Variants in OPA1 observed in about 807,000 individuals in gnomAD.
OPA1 encodes OPA1 mitochondrial dynamin like GTPase, also known as dynamin-like GTPase OPA1, mitochondrial.
A neutral mutation model predicts 152.9 loss-of-function variants in OPA1; 59 were observed. That is an observed-to-expected ratio of 0.39 (90% CI 0.31 to 0.48). The LOEUF is 0.48. Among genes scored for constraint, OPA1 ranks in the 20% least tolerant of loss-of-function variants. The probability of loss-of-function intolerance (pLI) is 0.96; values close to 1 mark genes in which losing one functional copy is unlikely to be tolerated. For synonymous variants in OPA1, 400 were observed against 389.9 expected (o/e 1.03, Z -0.31); for missense variants, 1,008 against 1,216.8 (o/e 0.83, Z 2.55).
At chr3:193,685,171 G>A (rs900917965) in intron 29 of OPA1, among the ~76,000 whole-genome samples, 2 of 151,960 alleles carry the variant, frequency 1.3e-5, no homozygotes, top group South Asian at 2.1e-4. Context: ...GCATGGTGAT[G>A]CCTGCCTGTA....
chr3:193,662,985 A>T lies in OPA1; in HGVS notation c.2661+23A>T, dbSNP rs1715645026. On this transcript the variant is annotated intron_variant, in intron 26 of 30. Coordinates refer to ENST00000361510, the MANE Select transcript of OPA1 (RefSeq NM_130837.3). ...TTGGTAATAAATACTGCTGAGAAGC[A>T]GGAATCTGCTTCCTTAATATTTGTT... is the stretch of plus-strand genomic sequence containing the variant. The T allele has an allele frequency of 3.1e-6, 5 of 1,611,556 alleles. No individual in the cohort carries two copies. In the East Asian group the frequency reaches 1.1e-4, roughly 36 times the overall value.
At chr3:193,675,354 C>T (rs1277990076) in intron 29 of OPA1, among the ~76,000 whole-genome samples, 1 of 148,726 alleles carries the variant, frequency 6.7e-6, no homozygotes, top group Non-Finnish European at 1.5e-5. Context: ...AAAAAAACAC[C>T]CAATCAAGAA....
At chr3:193,614,438 A>G (rs761450244) in intron 1 of OPA1, among the ~76,000 whole-genome samples, 1 of 152,160 alleles carries the variant, frequency 6.6e-6, no homozygotes, top group Non-Finnish European at 1.5e-5. Context: ...TGTCAGTGTG[A>G]CTTTGGGCAA....
At chr3:193,622,234 T>C (rs890672531) in intron 6 of OPA1, among the ~76,000 whole-genome samples, 1 of 141,874 alleles carries the variant, frequency 7.0e-6, no homozygotes, top group Non-Finnish European at 1.5e-5. Context: ...TTCTTTTTTT[T>C]TTTTTTTTTT....
chr3:193,630,562 G>A (rs1430044559), intron 7 of OPA1, among the ~76,000 whole-genome samples: 1 of 152,136 alleles, frequency 6.6e-6, no homozygotes, highest in Admixed American at 6.5e-5. Context: ...TATATTTGCT[G>A]CCATGATGTG....
chr3:193,598,565 G>T (rs1283775548), intron 1 of OPA1, among the ~76,000 whole-genome samples: 2 of 152,200 alleles, frequency 1.3e-5, no homozygotes, highest in Non-Finnish European at 2.9e-5. Flanking sequence ...TTTGTATTTT[G>T]TTGGACAAGT....
intron 29 of OPA1, among the ~76,000 whole-genome samples, chr3:193,678,831 A>C (rs568701828): frequency 7.2e-5 from 11 of 152,242 alleles, no homozygotes; most frequent in African/African-American, 2.6e-4. Flanking sequence ...AAAGATGCTC[A>C]AGTCATTCTC....
At chr3:193,617,416 A>T (rs1489152842) in intron 4 of OPA1, 131 bp downstream of exon 4, 1 of 664,604 alleles carries the variant, frequency 1.5e-6, no homozygotes, top group African/African-American at 1.8e-5. Context: ...GACATTTTTT[A>T]AAAAGATAAA....
chr3:193,643,840 C>A (rs1577243660), intron 15 of OPA1, 135 bp from the exon 16 acceptor site: 2 of 1,049,820 alleles, frequency 1.9e-6, no homozygotes, highest in East Asian at 2.6e-5. Context: ...GCTAGGATTT[C>A]TTTTTAGTAA....
Position 193,695,119 on chromosome 3 carries a change from A to G in OPA1, c.*519A>G, listed in dbSNP as rs1392372021. 1 of 152,212 alleles carries G rather than the reference A, an allele frequency of 6.6e-6. No homozygotes were observed. The highest frequency in any genetic ancestry group is 3.2e-3 in the Middle Eastern group (1 of 316). 9.4% of individuals were successfully genotyped at this position (152,212 alleles called of 1,614,324 possible). ...CTATTTGACCATGATAATTCAGTTT[A>G]TATTCACCACATGAAAGAAAAATGG... On this transcript the variant is annotated 3_prime_UTR_variant, in exon 31 of 31. Transcript: ENST00000361510.
rs1206820122 is a variant in OPA1, at chr3:193,656,585, C to T, written c.2179-495C>T. Among the ~76,000 whole-genome samples, 3 of 152,124 alleles carry T rather than the reference C, an allele frequency of 2.0e-5. No individual in the cohort carries two copies. The South Asian group carries it at 6.2e-4, about 32-fold the overall frequency. The stretch of plus-strand genomic sequence containing the variant: ...TATGAAGATGACTGAATCATTAAGA[C>T]ATTTAAAACCTTTTGCAGTGTGAAA... On this transcript the variant is annotated intron_variant, in intron 22 of 30. Coordinates refer to ENST00000361510, the MANE Select transcript of OPA1 (RefSeq NM_130837.3).
chr3:193,635,363 A>G, intron 8 of OPA1, 55 bp from the exon 9 acceptor site: 1 of 1,029,838 alleles, frequency 9.7e-7, no homozygotes, highest in South Asian at 1.3e-5. Flanking sequence ...TAGACTTAAT[A>G]CTATTTGATA....
At chr3:193,676,974 C>A (rs565596648) in intron 29 of OPA1, among the ~76,000 whole-genome samples, 1 of 93,428 alleles carries the variant, frequency 1.1e-5, no homozygotes, top group Non-Finnish European at 2.1e-5. Flanking sequence ...GAGCAAGACT[C>A]GTCTCAAAAA....
At chr3:193,668,278 C>G (rs1182814034) in intron 29 of OPA1, 4 of 1,491,904 alleles carry the variant, frequency 2.7e-6, no homozygotes, top group Non-Finnish European at 3.6e-6. Flanking sequence ...CTATACGTAA[C>G]CCAACTTGAA....
chr3:193,663,073 C>A lies in OPA1; in HGVS notation c.2661+111C>A, dbSNP rs1036339588. The A allele has an allele frequency of 3.7e-6, 4 of 1,074,848 alleles. No homozygotes were observed. The East Asian group carries it at 1.0e-4, about 27-fold the overall frequency. 66.6% of individuals were successfully genotyped at this position (1,074,848 alleles called of 1,614,324 possible). A position where few individuals can be genotyped will look rare whatever the true frequency, so the allele number is the denominator to read the frequency against. On this transcript the variant is annotated intron_variant, in intron 26 of 30. Transcript: ENST00000361510. ...TTTAAGTGCTTAATTTGACTTTTGT[C>A]ACGTGTACATTTGCTGACAGTAAAA...
intron 6 of OPA1, chr3:193,619,615 G>A (rs1729674681): frequency 6.6e-6 from 1 of 152,012 alleles, no homozygotes; most frequent in African/African-American, 2.4e-5. Flanking sequence ...CGTTTTCTGA[G>A]TCTTCACTTT....
At chr3:193,607,029 A>G (rs1257269491) in intron 1 of OPA1, among the ~76,000 whole-genome samples, 8 of 152,098 alleles carry the variant, frequency 5.3e-5, no homozygotes, top group Non-Finnish European at 1.0e-4. Flanking sequence ...GATGATGAGC[A>G]TTTTTTCATG....
chr3:193,608,652 T>C (rs553126815), intron 1 of OPA1, among the ~76,000 whole-genome samples: 1 of 152,298 alleles, frequency 6.6e-6, no homozygotes, highest in East Asian at 1.9e-4. Flanking sequence ...ATAAGTGCAG[T>C]GTGGTGCTAA....
intron 29 of OPA1, among the ~76,000 whole-genome samples, chr3:193,690,014 G>GAA (rs56020929): frequency 2.2e-5 from 3 of 136,112 alleles, no homozygotes; most frequent in Non-Finnish European, 3.2e-5. Flanking sequence ...TACATTCACT[G>GAA]AAAAAAAAAA....
Sources: allele counts gnomAD v4.1 joint callset (sites outside exome capture counted in the v4.1 genomes callset), GRCh38; gene constraint gnomAD v4.1.1; transcripts MANE v1.5; gene names NCBI Gene and HGNC (gene_info 2026-07-23, HGNC 2026-07-21).